CPED1: variants seen among roughly 807,000 people sequenced by gnomAD.
CPED1 encodes cadherin-like and PC-esterase domain-containing protein 1.
Under a neutral mutation model 128.2 loss-of-function variants are expected in CPED1, and 114 were observed. The ratio of observed to expected loss-of-function variants is 0.89; its 90% CI spans 0.76 to 1.04. The LOEUF (loss-of-function observed/expected upper bound fraction) is 1.04. CPED1 is among the 50% of genes least tolerant of loss of function. The pLI is 0.00. For synonymous variants in CPED1, 462 were observed against 426.7 expected (o/e 1.08, Z -1.02); for missense variants, 1,211 against 1,207.1 (o/e 1.00, Z -0.05).
chr7:121,221,511 T>C (rs1223734186), intron 16 of CPED1, among the ~76,000 whole-genome samples: 3 of 152,244 alleles, frequency 2.0e-5, no homozygotes, highest in Admixed American at 1.3e-4. Context: ...ATGGTATTTC[T>C]AGTTCTAGAT....
chr7:121,087,938 G>A (rs1296117588), intron 5 of CPED1, among the ~76,000 whole-genome samples: 1 of 152,034 alleles, frequency 6.6e-6, no homozygotes, highest in Admixed American at 6.5e-5. Context: ...GGGATTACAG[G>A]CATGAACCAC....
chr7:121,182,300 A>G (rs186654192), intron 16 of CPED1, among the ~76,000 whole-genome samples: 1 of 151,634 alleles, frequency 6.6e-6, no homozygotes, highest in East Asian at 2.0e-4. Flanking sequence ...GACCATGTTA[A>G]GGTATTTTTT....
At chr7:121,002,502 T>G (rs1441937411) in intron 2 of CPED1, among the ~76,000 whole-genome samples, 1 of 152,154 alleles carries the variant, frequency 6.6e-6, no homozygotes, top group South Asian at 2.1e-4. Context: ...GTGAAAACAT[T>G]AATAACACAT....
At chr7:121,210,046 G>C (rs755832635) in intron 16 of CPED1, among the ~76,000 whole-genome samples, 2 of 151,998 alleles carry the variant, frequency 1.3e-5, no homozygotes, top group South Asian at 2.1e-4. Flanking sequence ...TGACCAACAG[G>C]TATATGAAAA....
intron 13 of CPED1, 90 bp downstream of exon 13, chr7:121,133,983 CAAAAAT>C: frequency 1.4e-6 from 1 of 696,162 alleles, no homozygotes; most frequent in Non-Finnish European, 2.4e-6. Flanking sequence ...CATTAGCAAT[CAAAAAT>C]GAAAATTAAA....
Position 120,992,813 on chromosome 7 carries a change from G to A in CPED1, c.249+2943G>A, listed in dbSNP as rs1390703768. ...AGTTGTATCTATGAGAAGACCTTTT[G>A]TACTTTGTCAGCCTCCTAATGGAGG... On this transcript the variant is annotated intron_variant, in intron 2 of 22. Coordinates refer to ENST00000310396, the MANE Select transcript of CPED1 (RefSeq NM_024913.5). Among the ~76,000 whole-genome samples the A allele has an allele frequency of 2.0e-5, 3 of 152,072 alleles. No homozygotes were observed. In the East Asian group the frequency reaches 5.8e-4, roughly 29 times the overall value.
At chr7:121,148,864 G>A (rs1305008776) in intron 16 of CPED1, among the ~76,000 whole-genome samples, 5 of 152,016 alleles carry the variant, frequency 3.3e-5, no homozygotes, top group East Asian at 1.9e-4. Context: ...TGTCTTCTCC[G>A]ACTGAAAAGT....
At chr7:121,201,778 C>A (rs569698621) in intron 16 of CPED1, among the ~76,000 whole-genome samples, 8 of 152,186 alleles carry the variant, frequency 5.3e-5, no homozygotes, top group African/African-American at 1.7e-4. Context: ...CTCCTCTACA[C>A]CTAATCTGCA....
At chr7:121,049,769 C>T (rs1298341781) in intron 4 of CPED1, among the ~76,000 whole-genome samples, 4 of 152,162 alleles carry the variant, frequency 2.6e-5, no homozygotes, top group South Asian at 2.1e-4. Flanking sequence ...GCCTGGAATG[C>T]TCTTTCTCAG....
At chr7:121,098,790 A>ATAT (rs1794766332) in intron 6 of CPED1, among the ~76,000 whole-genome samples, 7 of 70,516 alleles carry the variant, frequency 9.9e-5, no homozygotes, top group Non-Finnish European at 2.6e-4. Flanking sequence ...AAAAATATAT[A>ATAT]AAAATATATA....
intron 16 of CPED1, among the ~76,000 whole-genome samples, chr7:121,180,012 T>A (rs111633217): frequency 6.6e-6 from 1 of 152,068 alleles, no homozygotes; most frequent in Admixed American, 6.6e-5. Flanking sequence ...TACTGTTATG[T>A]TTTTCTTTTT....
At position 121,207,615 on chromosome 7, in the gene CPED1, G is replaced by A. The variant is rs548485103; in HGVS notation, c.2056-29099G>A. On this transcript the variant is annotated intron_variant, in intron 16 of 22. Transcript: ENST00000310396. ...GAAATTTAGTACTGATAAAGTATAT[G>A]TCTTAATACATATCATATATTGAAC... 7.2e-5 allele frequency among the ~76,000 whole-genome samples: 11 copies of A among 152,118 alleles called. No homozygotes were observed. The South Asian group carries it at 2.3e-3, about 32-fold the overall frequency.
At chr7:121,180,417 T>TA (rs998766480) in intron 16 of CPED1, among the ~76,000 whole-genome samples, 2 of 152,078 alleles carry the variant, frequency 1.3e-5, no homozygotes, top group African/African-American at 4.8e-5. Context: ...TGATTTTCTT[T>TA]AAAAAAATTC....
chr7:121,171,942 TG>T (rs1229463667), intron 16 of CPED1, among the ~76,000 whole-genome samples: 1 of 152,258 alleles, frequency 6.6e-6, no homozygotes, highest in Non-Finnish European at 1.5e-5. Flanking sequence ...CAGAAAGTCT[TG>T]GTTTGAATTC....
intron 16 of CPED1, among the ~76,000 whole-genome samples, chr7:121,152,971 T>C (rs980541919): frequency 6.6e-6 from 1 of 152,132 alleles, no homozygotes; most frequent in Non-Finnish European, 1.5e-5. Flanking sequence ...TGGATTTCAT[T>C]TTATTAGCGG....
chr7:121,252,872 A>C (rs886079864), intron 18 of CPED1, among the ~76,000 whole-genome samples: 6 of 152,172 alleles, frequency 3.9e-5, no homozygotes, highest in Non-Finnish European at 5.9e-5. Context: ...TGGGACTGTA[A>C]ACTAGTTCAA....
At chr7:121,271,009 CTT>C (rs1792218946) in intron 21 of CPED1, among the ~76,000 whole-genome samples, 1 of 151,902 alleles carries the variant, frequency 6.6e-6, no homozygotes, top group Admixed American at 6.6e-5. Flanking sequence ...TTTTATGAGT[CTT>C]TGTGGGCAAT....
chr7:121,048,880 T>A (rs62470954), intron 4 of CPED1, among the ~76,000 whole-genome samples: 6,146 of 152,298 alleles, frequency 0.04, 237 homozygotes, highest in African/African-American at 0.083. Context: ...ATTCTCTGTA[T>A]TTACTACCTT....
At chr7:121,162,481 T>C (rs572697604) in intron 16 of CPED1, among the ~76,000 whole-genome samples, 19 of 152,316 alleles carry the variant, frequency 1.2e-4, no homozygotes, top group African/African-American at 4.1e-4. Context: ...ACTCATACCA[T>C]AAATGATAAA....
Sources: allele counts gnomAD v4.1 joint callset (sites outside exome capture counted in the v4.1 genomes callset), GRCh38; gene constraint gnomAD v4.1.1; transcripts MANE v1.5; gene names NCBI Gene and HGNC (gene_info 2026-07-23, HGNC 2026-07-21).